MPRIP: variants seen among roughly 807,000 people sequenced by gnomAD.
MPRIP encodes the protein myosin phosphatase Rho-interacting protein.
In MPRIP, 59 loss-of-function variants were observed where a neutral mutation model predicts 234.9. That is an observed-to-expected ratio of 0.25 (90% CI 0.20 to 0.31). MPRIP has a LOEUF of 0.31. Ranked by LOEUF, MPRIP falls within the 10% of genes least tolerant of loss-of-function variation. The probability of loss-of-function intolerance (pLI) is 1.00; values close to 1 mark genes in which losing one functional copy is unlikely to be tolerated. For synonymous variants in MPRIP, 1,144 were observed against 1,263.9 expected (o/e 0.91, Z 2.01); for missense variants, 2,436 against 3,071.0 (o/e 0.79, Z 4.89).
rs752756715 is a variant in MPRIP at position 17,165,618 on chromosome 17, A to G, written c.4027A>G (p.Thr1343Ala). 7 of 1,304,826 alleles carry G rather than the reference A, an allele frequency of 5.4e-6. No homozygotes were observed. Among genetic ancestry groups the G allele is most frequent in the Non-Finnish European group, 2.0e-6 (2 of 989,064 alleles). The allele number at this position is 1,304,826 out of a possible 1,614,324, so 80.8% of individuals were successfully genotyped here. ...CCCCGAAGGGTCTGAGAAGACCTGG[A>G]CCAGCAGCACATCTTCCGACACCAG... ...IHPEGSEKTWTSSTSSDTSQD... is the reference protein window; with the variant it reads ...IHPEGSEKTWASSTSSDTSQD... Residue 1343 changes from threonine to alanine, a missense_variant, in exon 16 of 24, where the codon ACC (threonine) becomes GCC (alanine). Around this residue, in one of 4 missense-constraint regions of MPRIP, gnomAD observed 1,998 missense variants for 2,520.3 expected, o/e 0.79. Transcript: ENST00000651222.
At chr17:17,184,767 A>G (rs2046441991) in intron 23 of MPRIP, 56 bp from the exon 24 acceptor site, 1 of 1,401,392 alleles carries the variant, frequency 7.1e-7, no homozygotes, top group Non-Finnish European at 1.0e-6. Flanking sequence ...GGTCCGGTCC[A>G]GTGCAGGGGG....
Position 17,137,904 on chromosome 17 carries a change from T to C in MPRIP, c.737-12T>C, listed in dbSNP as rs781408021. ...GCTGAGTGCGTCTCCTCCCTCCCAC[T>C]GTCTCTTCCAGAGGAGAGCGCCATG... is the stretch of plus-strand genomic sequence containing the variant. On this transcript the variant is annotated splice_polypyrimidine_tract_variant and intron_variant, in intron 6 of 23. Coordinates refer to ENST00000651222, the MANE Select transcript of MPRIP (RefSeq NM_001364716.4). The C allele has an allele frequency of 1.3e-6, 2 of 1,567,888 alleles. No homozygotes were observed. Among genetic ancestry groups the C allele is most frequent in the Non-Finnish European group, 1.7e-6 (2 of 1,158,098 alleles).
At chr17:17,103,010 T>A (rs2089994357) in intron 3 of MPRIP, among the ~76,000 whole-genome samples, 1 of 152,168 alleles carries the variant, frequency 6.6e-6, no homozygotes, top group Admixed American at 6.5e-5. Context: ...GACACAAGTG[T>A]GAGAGTGCTG....
chr17:17,176,568 C>A (rs1247807954), intron 21 of MPRIP, 56 bp downstream of exon 21: 3 of 1,337,602 alleles, frequency 2.2e-6, no homozygotes, highest in South Asian at 2.3e-5. Flanking sequence ...AGGTGACATG[C>A]GCCTCCTGAA....
At chr17:17,143,717 G>GACCAGAAGCAGA in intron 9 of MPRIP, 48 bp downstream of exon 9, 1 of 1,329,832 alleles carries the variant, frequency 7.5e-7, no homozygotes, top group Non-Finnish European at 1.1e-6. Flanking sequence ...CTCTGCTTCT[G>GACCAGAAGCAGA]GTCACTCTGA....
At chr17:17,123,118 G>A (rs1467298196) in intron 3 of MPRIP, among the ~76,000 whole-genome samples, 1 of 151,988 alleles carries the variant, frequency 6.6e-6, no homozygotes, top group Non-Finnish European at 1.5e-5. Context: ...ATGCTAAATG[G>A]AAGCCAGATT....
chr17:17,122,798 C>A (rs1046299721), intron 3 of MPRIP, among the ~76,000 whole-genome samples: 1 of 152,310 alleles, frequency 6.6e-6, no homozygotes, highest in South Asian at 2.1e-4. Flanking sequence ...ATGGCACAGC[C>A]ACTTTGGGAA....
chr17:17,091,073 G>A (rs1462430851), intron 3 of MPRIP, among the ~76,000 whole-genome samples: 1 of 143,012 alleles, frequency 7.0e-6, no homozygotes, highest in Non-Finnish European at 1.5e-5. Context: ...GACAGCTGAG[G>A]TTTGAAGATC....
intron 1 of MPRIP, chr17:17,057,974 G>A (rs990802378): frequency 2.3e-6 from 1 of 431,382 alleles, no homozygotes; most frequent in Non-Finnish European, 4.2e-6. Flanking sequence ...TTAAGAAAGA[G>A]AACACTGACA....
At chr17:17,168,112 AC>A in intron 16 of MPRIP, 197 bp downstream of exon 16, 1 of 382,946 alleles carries the variant, frequency 2.6e-6, no homozygotes, top group Non-Finnish European at 4.8e-6. Context: ...AGTGTCCTCC[AC>A]CAGGAGGAGA....
intron 3 of MPRIP, among the ~76,000 whole-genome samples, chr17:17,111,225 CAAAAAAAAAAAA>C (rs55714262): frequency 4.6e-5 from 4 of 86,560 alleles, no homozygotes; most frequent in South Asian, 4.5e-4. Flanking sequence ...GGGGTAGTCC[CAAAAAAAAAAAA>C]AAAAAAAAAA....
At chr17:17,127,941 C>G (rs1452506205) in intron 4 of MPRIP, among the ~76,000 whole-genome samples, 1 of 152,118 alleles carries the variant, frequency 6.6e-6, no homozygotes, top group Non-Finnish European at 1.5e-5. Context: ...GTGTGCTCTC[C>G]CCTAGAGTCC....
chr17:17,056,387 C>A (rs1462405982), intron 1 of MPRIP, among the ~76,000 whole-genome samples: 2 of 152,172 alleles, frequency 1.3e-5, no homozygotes, highest in Non-Finnish European at 2.9e-5. Context: ...TTTGTCAAGA[C>A]CAAACAGGGA....
At position 17,043,284 on chromosome 17, in the gene MPRIP, C is replaced by T. The variant is rs527435475; in HGVS notation, c.123+313C>T. Among the ~76,000 whole-genome samples the T allele has an allele frequency of 5.7e-4, 87 of 152,244 alleles. 1 individual carries two copies. The highest frequency in any genetic ancestry group is 4.7e-3 in the Admixed American group (72 of 15,300). ...AGGGATTGCATGCCGCTTGACGGGACCCCCCTGAGATTCTGGCTTGGGACT... is the reference window on the plus strand; with the variant it reads ...AGGGATTGCATGCCGCTTGACGGGATCCCCCTGAGATTCTGGCTTGGGACT... On this transcript the variant is annotated intron_variant, in intron 1 of 23. Coordinates refer to ENST00000651222, the MANE Select transcript of MPRIP (RefSeq NM_001364716.4).
intron 18 of MPRIP, chr17:17,173,651 G>C (rs1666754691): frequency 1.7e-6 from 1 of 595,564 alleles, no homozygotes. Flanking sequence ...GGGGTTCTGT[G>C]TGGCTGCAGA....
At chr17:17,131,192 C>T (rs2090589427) in intron 4 of MPRIP, among the ~76,000 whole-genome samples, 1 of 152,040 alleles carries the variant, frequency 6.6e-6, no homozygotes, top group Admixed American at 6.5e-5. Context: ...TCAAGAGTAC[C>T]CATTGTGGGA....
At chr17:17,151,950 G>T (rs2045612148) in intron 12 of MPRIP, among the ~76,000 whole-genome samples, 1 of 152,218 alleles carries the variant, frequency 6.6e-6, no homozygotes, top group Admixed American at 6.5e-5. Flanking sequence ...AAATTTTGGG[G>T]CCCAGAAACT....
At chr17:17,101,597 AAC>A (rs1749064986) in intron 3 of MPRIP, among the ~76,000 whole-genome samples, 1 of 147,774 alleles carries the variant, frequency 6.8e-6, no homozygotes, top group South Asian at 2.2e-4. Flanking sequence ...AAACAACAAC[AAC>A]AAAAAAAATA....
At chr17:17,088,907 G>A (rs56265828) in intron 3 of MPRIP, among the ~76,000 whole-genome samples, 13,374 of 152,290 alleles carry the variant, frequency 0.088, 748 homozygotes, top group Middle Eastern at 0.16. Flanking sequence ...TCTGAACCCG[G>A]GGAGCAGTTG....
Sources: allele counts gnomAD v4.1 joint callset (sites outside exome capture counted in the v4.1 genomes callset), GRCh38; gene constraint gnomAD v4.1.1; regional missense constraint gnomAD v4.1.1; transcripts MANE v1.5; gene names NCBI Gene and HGNC (gene_info 2026-07-23, HGNC 2026-07-21).